The following SYNJ2 variants were observed in gnomAD, a reference collection of about 807,000 sequenced individuals.
SYNJ2 encodes polyphosphatidylinositol phosphatase SYNJ2.
Under a neutral mutation model 141.3 loss-of-function variants are expected in SYNJ2, and 116 were observed. That is an observed-to-expected ratio of 0.82 (90% confidence interval 0.71 to 0.96). SYNJ2 has a LOEUF of 0.96. SYNJ2 is among the 40% of genes least tolerant of loss of function. SYNJ2 has a pLI of 0.00. For missense variants in SYNJ2, 1,873 were observed against 1,934.8 expected (o/e 0.97, Z 0.60); for synonymous variants, 745 against 777.7 (o/e 0.96, Z 0.70).
intron 1 of SYNJ2, among the ~76,000 whole-genome samples, chr6:158,004,084 A>G (rs1777959772): frequency 2.0e-5 from 3 of 152,284 alleles, no homozygotes; most frequent in South Asian, 4.2e-4. Flanking sequence ...TAGAAAGTCA[A>G]CCCACGATCA....
chr6:158,000,659 G>T (rs908174385), intron 1 of SYNJ2, among the ~76,000 whole-genome samples: 2 of 151,530 alleles, frequency 1.3e-5, no homozygotes, highest in African/African-American at 4.9e-5. Context: ...TCTCCCCGCC[G>T]ACCCCCTAGC....
At position 158,071,559 on chromosome 6, in the gene SYNJ2, C is replaced by G; in HGVS notation, c.1941-43C>G. ...TCTGTGGCAAAGCAGGGTCACACTTCTCCTTCAGGAGCCGACGGCATGCGC... is the reference window on the plus strand; with the variant it reads ...TCTGTGGCAAAGCAGGGTCACACTTGTCCTTCAGGAGCCGACGGCATGCGC... On this transcript the variant is annotated intron_variant, in intron 14 of 26. Transcript: ENST00000355585. The surrounding 1 kb of genome is among the most constrained non-coding windows in gnomAD (Gnocchi z 4.3). The G allele has an allele frequency of 6.3e-7, 1 of 1,585,094 alleles. No homozygotes were observed. The highest frequency in any genetic ancestry group is 8.6e-7 in the Non-Finnish European group (1 of 1,165,680).
chr6:158,093,139 A>G (rs1783576450), intron 26 of SYNJ2, 35 bp downstream of exon 26: 1 of 1,593,768 alleles, frequency 6.3e-7, no homozygotes, highest in Non-Finnish European at 8.5e-7. Flanking sequence ...TCTTACTCCT[A>G]AGTTGCTCAC....
intron 2 of SYNJ2, among the ~76,000 whole-genome samples, chr6:158,022,499 A>C (rs7771616): frequency 0.048 from 7,229 of 152,134 alleles, 570 homozygotes; most frequent in African/African-American, 0.17. Flanking sequence ...GCTCCCTCTG[A>C]CCCATGCATG....
At chr6:158,091,122 C>G (rs2477810) in intron 25 of SYNJ2, among the ~76,000 whole-genome samples, 77,529 of 151,062 alleles carry the variant, frequency 0.51, 19,987 homozygotes, top group East Asian at 0.59. Context: ...TCGAGACCAT[C>G]CTGGCTAACA....
intron 1 of SYNJ2, 134 bp from the exon 2 acceptor site, chr6:158,017,070 T>C (rs775296707): frequency 1.0e-5 from 14 of 1,384,908 alleles, no homozygotes; most frequent in Non-Finnish European, 1.3e-5. Flanking sequence ...CACTTGGTGT[T>C]TGTGGGCCGA....
In SYNJ2 at chr6:157,982,042, C is replaced by G. The variant is rs1777032920; in HGVS notation, c.81C>G (p.Gly27=). ...GDCSVLLEAR[G]RDDCLLFEAG... is the part of the protein sequence containing the mutation. ...GTAGCGTGCTGCTGGAGGCGCGCGG[C>G]CGCGACGACTGCCTGCTGTTCGAGG... The change falls in exon 1 of 27, where the codon GGC becomes GGG. Residue 27 remains glycine, a synonymous_variant. Transcript: ENST00000355585. The surrounding 1 kb of genome is among the most constrained non-coding windows in gnomAD (Gnocchi z 4.0). 13 of 1,333,996 alleles carry G rather than the reference C, an allele frequency of 9.7e-6. No individual in the cohort carries two copies. The highest frequency in any genetic ancestry group is 1.2e-5 in the Non-Finnish European group (13 of 1,045,422). The allele number at this position is 1,333,996 out of a possible 1,614,324, so 82.6% of individuals were successfully genotyped here. A position where few individuals can be genotyped will look rare whatever the true frequency, so the allele number is the denominator to read the frequency against.
At chr6:158,068,850 G>T in intron 13 of SYNJ2, 122 bp downstream of exon 13, 1 of 1,000,440 alleles carries the variant, frequency 1.0e-6, no homozygotes. Context: ...CTGTGGCCCT[G>T]GCTGTGTGGG....
At position 158,095,901 on chromosome 6, in the gene SYNJ2, C is replaced by A. The variant is rs772360514; in HGVS notation, c.4028C>A (p.Ala1343Asp). 1.2e-6 allele frequency: 2 copies of A among 1,614,148 alleles called. No homozygotes were observed. Among genetic ancestry groups the A allele is most frequent in the South Asian group, 2.2e-5 (2 of 91,078 alleles). ...PPRRKKSAPA[A>D]FHLQVLQSNS... ...AGGAGGAAGAAGTCAGCCCCCGCAG[C>A]CTTCCACCTGCAGGTCCTGCAGAGC... Residue 1343 changes from alanine (A) to aspartate (D), a missense_variant, in exon 27 of 27, where the codon GCC (alanine) becomes GAC (aspartate). By Grantham distance (126) the Ala-to-Asp change is moderately radical. Coordinates refer to ENST00000355585, the MANE Select transcript of SYNJ2 (RefSeq NM_003898.4).
chr6:157,989,427 A>AATATACATACATACATAT (rs1777327125), intron 1 of SYNJ2, among the ~76,000 whole-genome samples: 1 of 96,292 alleles, frequency 1.0e-5, no homozygotes, highest in African/African-American at 3.5e-5. Flanking sequence ...TAAAAAAATG[A>AATATACATACATACATAT]ATATATATAT....
At position 158,070,175 on chromosome 6, in the gene SYNJ2, G is replaced by A. The variant is rs931854288; in HGVS notation, c.1940+502G>A. 18 of 985,514 alleles carry A rather than the reference G, an allele frequency of 1.8e-5. No homozygotes were observed. In the African/African-American group the frequency reaches 2.8e-4, roughly 15 times the overall value. 61.0% of individuals were successfully genotyped at this position (985,514 alleles called of 1,614,324 possible). A position where few individuals can be genotyped will look rare whatever the true frequency, so the allele number is the denominator to read the frequency against. ...GGGCGGCATTCCTCTTGGGGTGTGG[G>A]TGTGGGTGTTTGGATGCTGGAGGAA... On this transcript the variant is annotated intron_variant, in intron 14 of 26. Transcript: ENST00000355585. The surrounding 1 kb of genome is among the most constrained non-coding windows in gnomAD (Gnocchi z 4.0).
chr6:158,008,908 T>C (rs928947796), intron 1 of SYNJ2, among the ~76,000 whole-genome samples: 1 of 152,204 alleles, frequency 6.6e-6, no homozygotes, highest in African/African-American at 2.4e-5. Flanking sequence ...CCAAAACCTT[T>C]CTGTGACCTC....
At chr6:158,087,607 T>A (rs1371544596) in intron 23 of SYNJ2, among the ~76,000 whole-genome samples, 1 of 152,190 alleles carries the variant, frequency 6.6e-6, no homozygotes, top group Non-Finnish European at 1.5e-5. Flanking sequence ...TCCCCAAAAA[T>A]GTGATGATCA....
chr6:158,041,902 T>TG (rs372479078), intron 4 of SYNJ2, among the ~76,000 whole-genome samples: 3 of 152,202 alleles, frequency 2.0e-5, no homozygotes, highest in Non-Finnish European at 4.4e-5. Context: ...TTGGTAGAGA[T>TG]GGGGGTCTCA....
Position 158,084,118 on chromosome 6 carries a change from C to T in SYNJ2, c.3152C>T (p.Ala1051Val). ...LSDVPGPTAL[A>V]PPSKSPALTK... The stretch of plus-strand genomic sequence containing the variant: ...GATGTCCCCGGCCCCACAGCACTGG[C>T]TCCTCCCAGCAAGTCACCTGCTCTC... The change falls in exon 22 of 27, where the codon GCT (alanine) becomes GTT (valine). Residue 1051 changes from alanine (A) to valine (V), a missense_variant. Transcript: ENST00000355585. The surrounding 1 kb of genome is among the most constrained non-coding windows in gnomAD (Gnocchi z 5.0). 1 of 1,614,132 alleles carries T rather than the reference C, an allele frequency of 6.2e-7. No individual in the cohort carries two copies. Among genetic ancestry groups the T allele is most frequent in the Non-Finnish European group, 8.5e-7 (1 of 1,179,974 alleles).
At chr6:158,005,372 C>T (rs1346630452) in intron 1 of SYNJ2, among the ~76,000 whole-genome samples, 6 of 152,168 alleles carry the variant, frequency 3.9e-5, no homozygotes, top group South Asian at 2.1e-4. Context: ...CCACCACGCC[C>T]GGCCCCCAGT....
chr6:158,021,192 T>C (rs1001960139), intron 2 of SYNJ2, among the ~76,000 whole-genome samples: 7 of 152,218 alleles, frequency 4.6e-5, no homozygotes, highest in Non-Finnish European at 2.9e-5. Context: ...TCCCAGACTA[T>C]AATGAATTGT....
intron 12 of SYNJ2, among the ~76,000 whole-genome samples, chr6:158,067,134 T>C (rs1351991589): frequency 6.6e-6 from 1 of 152,236 alleles, no homozygotes; most frequent in African/African-American, 2.4e-5. Context: ...TTATCCTGCC[T>C]CAGCCTCTCG....
chr6:158,047,843 C>A (rs1257819938), intron 5 of SYNJ2, among the ~76,000 whole-genome samples: 1 of 127,978 alleles, frequency 7.8e-6, no homozygotes, highest in Admixed American at 7.7e-5. Context: ...CTCAAAATGG[C>A]AGCTGCTATT....
Sources: gnomAD v4.1 joint callset for allele counts (sites outside exome capture counted in the v4.1 genomes callset) on GRCh38, gnomAD v4.1.1 for gene constraint, Gnocchi (gnomAD v3.1) non-coding constraint, MANE v1.5 for transcripts, NCBI Gene and HGNC (gene_info 2026-07-23, HGNC 2026-07-21) for gene names.